The following INCA1 variants were observed in gnomAD, a reference collection of about 807,000 sequenced individuals.
The protein encoded by INCA1 is protein INCA1.
Under a neutral mutation model 25.7 loss-of-function variants are expected in INCA1, and 28 were observed. The observed-to-expected ratio is 1.09, with a 90% CI of 0.81 to 1.49. The LOEUF (loss-of-function observed/expected upper bound fraction) is 1.49, where lower values mean the gene tolerates loss of function less well. Ranked by LOEUF, INCA1 falls within the 40% of genes most tolerant of loss-of-function variation. The pLI is 0.00. For missense variants in INCA1, 309 were observed against 290.9 expected (o/e 1.06, Z -0.45); for synonymous variants, 111 against 103.6 (o/e 1.07, Z -0.43).
exon 7 of INCA1, chr17:4,988,401 C>T: frequency 6.3e-7 from 1 of 1,592,516 alleles, no homozygotes. Flanking sequence ...TCGGTGGTTT[C>T]TCCTTACTCT....
At chr17:4,992,924 G>A (rs1310016352) in intron 2 of INCA1, among the ~76,000 whole-genome samples, 1 of 152,170 alleles carries the variant, frequency 6.6e-6, no homozygotes, top group Non-Finnish European at 1.5e-5. Flanking sequence ...TTGTCGCCCA[G>A]GCTGGAGTGC....
At chr17:4,991,513 C>T (rs1031242880) in intron 2 of INCA1, among the ~76,000 whole-genome samples, 53 of 152,204 alleles carry the variant, frequency 3.5e-4, no homozygotes, top group Non-Finnish European at 7.3e-5. Flanking sequence ...GAGAACACTG[C>T]TCGTCACTTC....
At position 4,990,982 on chromosome 17, in the gene INCA1, G is replaced by A. The variant is rs934015144; in HGVS notation, c.45-717C>T. On this transcript the variant is annotated intron_variant, in intron 2 of 6. Transcript: ENST00000576820. ...CACCCAGGCTGGAGTGCAATGGCACGATCTCGGCTCACTGCAACCTCCACC... is the reference window on the plus strand; with the variant it reads ...CACCCAGGCTGGAGTGCAATGGCACAATCTCGGCTCACTGCAACCTCCACC... 1.0e-4 allele frequency among the ~76,000 whole-genome samples: 15 copies of A among 150,526 alleles called. No homozygotes were observed. The East Asian group carries it at 2.6e-3, about 26-fold the overall frequency.
intron 1 of INCA1, among the ~76,000 whole-genome samples, chr17:4,996,666 C>CAA (rs35732129): frequency 0.059 from 3,072 of 51,704 alleles, 264 homozygotes; most frequent in Middle Eastern, 0.13. Flanking sequence ...GACTCCGTCT[C>CAA]AAAAAAAAAA....
At chr17:4,988,443 T>C in exon 7 of INCA1, 1 of 1,612,634 alleles carries the variant, frequency 6.2e-7, no homozygotes, top group Non-Finnish European at 8.5e-7. Context: ...CCCCAGGGAT[T>C]GTGAAGGGGG....
At chr17:4,994,323 AG>A (rs1479279186) in intron 2 of INCA1, 70 bp downstream of exon 2, 1 of 1,396,750 alleles carries the variant, frequency 7.2e-7, no homozygotes, top group African/African-American at 1.4e-5. Context: ...TAATCCTCTT[AG>A]GGAAGGACCC....
At chr17:4,996,664 C>A (rs1338200302) in intron 1 of INCA1, among the ~76,000 whole-genome samples, 18 of 60,130 alleles carry the variant, frequency 3.0e-4, no homozygotes, top group Middle Eastern at 0.014. Context: ...AAGACTCCGT[C>A]TCAAAAAAAA....
At chr17:4,994,158 C>G (rs1287040609) in intron 2 of INCA1, among the ~76,000 whole-genome samples, 1 of 152,212 alleles carries the variant, frequency 6.6e-6, no homozygotes, top group Admixed American at 6.5e-5. Context: ...AGAATGTAAG[C>G]TCTACAAGAG....
intron 2 of INCA1, 47 bp from the exon 3 acceptor site, chr17:4,990,312 C>A (rs1474554749): frequency 1.3e-6 from 2 of 1,567,522 alleles, no homozygotes; most frequent in Admixed American, 1.9e-5. Flanking sequence ...TCCCTTACAG[C>A]AGTCTACTCA....
At chr17:4,995,501 G>A (rs909720172) in intron 1 of INCA1, among the ~76,000 whole-genome samples, 4 of 152,180 alleles carry the variant, frequency 2.6e-5, no homozygotes, top group Non-Finnish European at 5.9e-5. Flanking sequence ...GTTAGTGAAA[G>A]TTAATTGTGT....
chr17:4,994,276 C>T, intron 2 of INCA1, 118 bp downstream of exon 2: 1 of 902,842 alleles, frequency 1.1e-6, no homozygotes, highest in Non-Finnish European at 1.8e-6. Flanking sequence ...CATCAATCCC[C>T]TGAGACCAGG....
chr17:4,991,713 C>T (rs1291169305), intron 2 of INCA1, among the ~76,000 whole-genome samples: 1 of 152,178 alleles, frequency 6.6e-6, no homozygotes, highest in African/African-American at 2.4e-5. Context: ...CTCTGGGCTC[C>T]ACTCAACATC....
intron 1 of INCA1, among the ~76,000 whole-genome samples, chr17:4,996,666 CAAAAAAAAAAAA>C (rs35732129): frequency 3.9e-5 from 2 of 51,776 alleles, no homozygotes; most frequent in South Asian, 8.7e-4. Context: ...GACTCCGTCT[CAAAAAAAAAAAA>C]AAAAAAAAAA....
At chr17:4,991,132 G>A (rs1973848211) in intron 2 of INCA1, among the ~76,000 whole-genome samples, 1 of 151,924 alleles carries the variant, frequency 6.6e-6, no homozygotes. Flanking sequence ...TAGCCAGGCT[G>A]GTCTTGAACT....
exon 5 of INCA1, chr17:4,989,623 C>T (rs1973691031): frequency 6.2e-7 from 1 of 1,613,400 alleles, no homozygotes; most frequent in Non-Finnish European, 8.5e-7. Flanking sequence ...ACCAGTGGCT[C>T]TCTGTGCCAG....
chr17:4,989,633 G>C lies in INCA1; in HGVS notation c.199-9C>G, dbSNP rs1469823099. On this transcript the variant is annotated splice_polypyrimidine_tract_variant and intron_variant, in intron 4 of 6. Coordinates refer to ENST00000576820, the Ensembl canonical transcript of INCA1. ...GAGCAACCAGTGGCTCTCTGTGCCA[G>C]AGAATGGGGAAAAAGAGCTAGAAAG... is the stretch of plus-strand genomic sequence containing the variant. 6.2e-7 allele frequency: 1 copy of C among 1,612,022 alleles called. No individual in the cohort carries two copies. Among genetic ancestry groups the C allele is most frequent in the South Asian group, 1.1e-5 (1 of 90,972 alleles).
At chr17:4,989,058 T>C (rs892819200) in intron 5 of INCA1, 114 bp from the exon 6 acceptor site, 9 of 1,195,816 alleles carry the variant, frequency 7.5e-6, no homozygotes, top group Non-Finnish European at 9.1e-6. Context: ...GGAGTTGTCA[T>C]TTGACCTTTA....
At chr17:4,992,078 G>A (rs1973909065) in intron 2 of INCA1, among the ~76,000 whole-genome samples, 1 of 152,118 alleles carries the variant, frequency 6.6e-6, no homozygotes. Flanking sequence ...TGAGAAATAG[G>A]GGGCTAGATG....
At chr17:4,996,666 CAAAAAAAAAAAAAA>C (rs35732129) in intron 1 of INCA1, among the ~76,000 whole-genome samples, 3 of 51,774 alleles carry the variant, frequency 5.8e-5, no homozygotes, top group Non-Finnish European at 3.0e-5. Flanking sequence ...GACTCCGTCT[CAAAAAAAAAAAAAA>C]AAAAAAAAAA....
Sources: gnomAD v4.1 joint callset for allele counts (sites outside exome capture counted in the v4.1 genomes callset) on GRCh38, gnomAD v4.1.1 for gene constraint, MANE v1.5 for transcripts, NCBI Gene and HGNC (gene_info 2026-07-23, HGNC 2026-07-21) for gene names.